Variants in GRIK1 observed in about 807,000 individuals in gnomAD.
GRIK1 encodes the protein glutamate receptor ionotropic, kainate 1.
In GRIK1, 69 loss-of-function variants were observed where a neutral mutation model predicts 105.7. The observed-to-expected ratio is 0.65, with a 90% CI of 0.54 to 0.80. The LOEUF is 0.80. Among genes scored for constraint, GRIK1 ranks in the 30% least tolerant of loss-of-function variants. The pLI, the probability that GRIK1 is intolerant of heterozygous loss-of-function variation, is 0.00. For missense variants in GRIK1, 1,109 were observed against 1,167.3 expected (o/e 0.95, Z 0.73); for synonymous variants, 438 against 431.3 (o/e 1.02, Z -0.19).
chr21:29,859,638 A>C (rs2068576375), intron 1 of GRIK1, among the ~76,000 whole-genome samples: 1 of 152,192 alleles, frequency 6.6e-6, no homozygotes, highest in African/African-American at 2.4e-5. Flanking sequence ...AGTTGACATC[A>C]AAGGTGGGTC....
intron 13 of GRIK1, among the ~76,000 whole-genome samples, chr21:29,579,985 G>A (rs904029144): frequency 0.027 from 3,941 of 144,564 alleles, 204 homozygotes; most frequent in African/African-American, 0.096. Flanking sequence ...ATATATATGT[G>A]TGTATATATA....
At chr21:29,561,485 T>G in intron 15 of GRIK1, 139 bp downstream of exon 15, 2 of 626,090 alleles carry the variant, frequency 3.2e-6, no homozygotes, top group Non-Finnish European at 2.9e-6. Context: ...CTGATCTATA[T>G]GGATGTTTAC....
chr21:29,845,923 C>T (rs1336742002), intron 1 of GRIK1, among the ~76,000 whole-genome samples: 3 of 152,274 alleles, frequency 2.0e-5, no homozygotes, highest in African/African-American at 7.2e-5. Context: ...TGCTTTGTCA[C>T]AGGGGAACAT....
At chr21:29,724,367 T>G (rs1449841317) in intron 1 of GRIK1, among the ~76,000 whole-genome samples, 1 of 151,394 alleles carries the variant, frequency 6.6e-6, no homozygotes. Flanking sequence ...GTTGGGCAAC[T>G]ATCAATCTGG....
intron 1 of GRIK1, among the ~76,000 whole-genome samples, chr21:29,917,923 T>C (rs1413783098): frequency 6.6e-6 from 1 of 152,056 alleles, no homozygotes; most frequent in East Asian, 1.9e-4. Context: ...ATAAAATATA[T>C]GATTTCTTTA....
rs114136792 is a variant in GRIK1 at position 29,739,277 on chromosome 21, T to G, written c.119-45214A>C. Among the ~76,000 whole-genome samples, 1,209 of 152,166 alleles carry G rather than the reference T, an allele frequency of 7.9e-3. 19 individuals carry two copies. Among genetic ancestry groups the G allele is most frequent in the African/African-American group, 0.028 (1,162 of 41,508 alleles). Reference sequence around the variant, plus strand: ...CATTTAAACAGAGATCTGAATGTGATGAGAAACAGAAGACATTCTAGGGAG... The same window carrying G: ...CATTTAAACAGAGATCTGAATGTGAGGAGAAACAGAAGACATTCTAGGGAG... On this transcript the variant is annotated intron_variant, in intron 1 of 17. Coordinates refer to ENST00000327783, the MANE Select transcript of GRIK1 (RefSeq NM_001330994.2).
At chr21:29,672,927 G>GA (rs2063186543) in intron 4 of GRIK1, 56 bp downstream of exon 4, 13 of 1,328,182 alleles carry the variant, frequency 9.8e-6, no homozygotes, top group Non-Finnish European at 1.4e-5. Context: ...TGGCATTTTT[G>GA]AAAAATAGAA....
chr21:29,885,191 T>C (rs76579575), intron 1 of GRIK1, among the ~76,000 whole-genome samples: 2,336 of 152,154 alleles, frequency 0.015, 68 homozygotes, highest in African/African-American at 0.054. Flanking sequence ...GTGTTGACCG[T>C]GGATTTGCTT....
At chr21:29,723,737 ATGGAGTTATTGCATTCC>A (rs1426616870) in intron 1 of GRIK1, among the ~76,000 whole-genome samples, 2 of 152,208 alleles carry the variant, frequency 1.3e-5, no homozygotes, top group Admixed American at 6.5e-5. Context: ...ATGATGAATA[ATGGAGTTATTGCATTCC>A]TGAAGTACAG....
chr21:29,576,966 TGAA>T lies in GRIK1; in HGVS notation c.2125_2127del (p.Phe709del), dbSNP rs1232404389. 6.3e-7 allele frequency: 1 copy of T among 1,577,110 alleles called. No homozygotes were observed. Among genetic ancestry groups the T allele is most frequent in the Non-Finnish European group, 8.7e-7 (1 of 1,147,516 alleles). On this transcript the variant is annotated inframe_deletion, in exon 14 of 18. Coordinates refer to ENST00000327783, the MANE Select transcript of GRIK1 (RefSeq NM_001330994.2). Reference sequence around the variant, plus strand: ...AGAACACTTTGTCAGCTTCTTACCTTGAAGAAGGTCATTGTTGATCCATCTCTA... The same window carrying T: ...AGAACACTTTGTCAGCTTCTTACCTTGAAGGTCATTGTTGATCCATCTCTA...
intron 1 of GRIK1, among the ~76,000 whole-genome samples, chr21:29,712,297 T>C (rs1296970090): frequency 6.6e-6 from 1 of 152,136 alleles, no homozygotes; most frequent in Non-Finnish European, 1.5e-5. Flanking sequence ...AGACATTATA[T>C]TCATTTCCAA....
intron 1 of GRIK1, among the ~76,000 whole-genome samples, chr21:29,701,931 A>G (rs1278675292): frequency 1.3e-5 from 2 of 152,210 alleles, no homozygotes; most frequent in African/African-American, 2.4e-5. Context: ...TGAAATTGCC[A>G]TTGACCAAGA....
chr21:29,674,542 A>C (rs138258084), intron 3 of GRIK1, among the ~76,000 whole-genome samples: 1 of 152,014 alleles, frequency 6.6e-6, no homozygotes, highest in Non-Finnish European at 1.5e-5. Flanking sequence ...TCGGGGGGGA[A>C]CTTGGTGGGA....
chr21:29,617,101 T>C (rs1438135271), intron 7 of GRIK1, among the ~76,000 whole-genome samples: 1 of 152,244 alleles, frequency 6.6e-6, no homozygotes, highest in Non-Finnish European at 1.5e-5. Flanking sequence ...GCAAACTCCC[T>C]TGAAAGTATA....
In GRIK1 at chr21:29,888,197, C is replaced by CTTTCTTTCTTTCTTTCTTCCTTTCTT. The variant is rs59241719; in HGVS notation, c.118+51185_118+51186insAAGAAAGGAAGAAAGAAAGAAAGAAA. 2.0e-3 allele frequency among the ~76,000 whole-genome samples: 45 copies of CTTTCTTTCTTTCTTTCTTCCTTTCTT among 22,344 alleles called. 13 individuals are homozygous for CTTTCTTTCTTTCTTTCTTCCTTTCTT. The highest frequency in any genetic ancestry group is 0.01 in the South Asian group (6 of 590). 14.7% of individuals were successfully genotyped at this position (22,344 alleles called of 152,430 possible). On this transcript the variant is annotated intron_variant, in intron 1 of 17. Transcript: ENST00000327783. ...TCTTTCTTTCTTCCTTTCTTTCTTTCTCTCTCTCTCTCTCTCTCTCTCTCT... is the reference window on the plus strand; with the variant it reads ...TCTTTCTTTCTTCCTTTCTTTCTTTCTTTCTTTCTTTCTTTCTTCCTTTCTTTCTCTCTCTCTCTCTCTCTCTCTCT...
intron 3 of GRIK1, among the ~76,000 whole-genome samples, chr21:29,684,275 T>TATC: frequency 6.6e-6 from 1 of 152,178 alleles, no homozygotes; most frequent in African/African-American, 2.4e-5. Context: ...TCTATCTATC[T>TATC]ATCTATCTAT....
chr21:29,561,215 G>C (rs2090471513), intron 15 of GRIK1, among the ~76,000 whole-genome samples: 1 of 152,058 alleles, frequency 6.6e-6, no homozygotes. Flanking sequence ...TGGAACACTA[G>C]CCCTCTCACT....
intron 1 of GRIK1, among the ~76,000 whole-genome samples, chr21:29,847,917 T>TCTCC (rs2068175015): frequency 6.7e-6 from 1 of 149,824 alleles, no homozygotes; most frequent in African/African-American, 2.5e-5. Flanking sequence ...TCTCTCTCCC[T>TCTCC]CTCTCTCTCT....
At chr21:29,801,629 G>A (rs1196271308) in intron 1 of GRIK1, among the ~76,000 whole-genome samples, 1 of 152,138 alleles carries the variant, frequency 6.6e-6, no homozygotes, top group Non-Finnish European at 1.5e-5. Flanking sequence ...AAGATATAGG[G>A]CTGTGAAGTT....
Sources: gnomAD v4.1 joint callset for allele counts (sites outside exome capture counted in the v4.1 genomes callset) on GRCh38, gnomAD v4.1.1 for gene constraint, MANE v1.5 for transcripts, NCBI Gene and HGNC (gene_info 2026-07-23, HGNC 2026-07-21) for gene names.